Variants in SORCS2 observed in about 807,000 individuals in gnomAD.
SORCS2 encodes the protein VPS10 domain-containing receptor SorCS2.
Under a neutral mutation model 141.6 loss-of-function variants are expected in SORCS2, and 100 were observed. The ratio of observed to expected loss-of-function variants is 0.71; its 90% confidence interval spans 0.60 to 0.83. SORCS2 has a LOEUF of 0.83. Ranked by LOEUF, SORCS2 falls within the 40% of genes least tolerant of loss-of-function variation. The pLI is 0.00. For missense variants in SORCS2, 1,646 were observed against 1,560.2 expected, an observed-to-expected ratio of 1.05 and a Z score of -0.93; for synonymous variants, 789 against 676.9, an observed-to-expected ratio of 1.17 and a Z score of -2.57.
chr4:7,452,838 T>C (rs1161085749), intron 2 of SORCS2, among the ~76,000 whole-genome samples: 9 of 140,608 alleles, frequency 6.4e-5, no homozygotes, highest in Middle Eastern at 4.1e-3. Flanking sequence ...TGGGGTCAGG[T>C]GCTGTGTTGG....
intron 14 of SORCS2, among the ~76,000 whole-genome samples, chr4:7,709,689 C>T (rs1268694054): frequency 2.0e-5 from 3 of 152,196 alleles, no homozygotes; most frequent in African/African-American, 7.2e-5. Flanking sequence ...GCTCAGCTTT[C>T]GGCCACTCTG....
intron 3 of SORCS2, among the ~76,000 whole-genome samples, chr4:7,573,821 C>A (rs567680817): frequency 1.3e-5 from 2 of 152,064 alleles, no homozygotes; most frequent in South Asian, 2.1e-4. Flanking sequence ...CCTGTGGCTT[C>A]AGTCCTTAAC....
intron 2 of SORCS2, among the ~76,000 whole-genome samples, chr4:7,444,691 G>A (rs968438551): frequency 2.6e-4 from 39 of 152,194 alleles, no homozygotes; most frequent in African/African-American, 8.7e-4. Flanking sequence ...GCTTCTAAAA[G>A]GATGGATCTG....
intron 3 of SORCS2, among the ~76,000 whole-genome samples, chr4:7,576,944 A>T (rs371228141): frequency 6.6e-6 from 1 of 152,202 alleles, no homozygotes; most frequent in African/African-American, 2.4e-5. Flanking sequence ...CTGAGATTGC[A>T]TGGGAAATGA....
chr4:7,398,636 A>G (rs1314061513), intron 2 of SORCS2, among the ~76,000 whole-genome samples: 2 of 152,208 alleles, frequency 1.3e-5, no homozygotes, highest in Admixed American at 6.5e-5. Flanking sequence ...TGATGCTAAC[A>G]TATTTATATA....
chr4:7,686,942 G>A (rs754973564), intron 10 of SORCS2, among the ~76,000 whole-genome samples: 4 of 152,176 alleles, frequency 2.6e-5, no homozygotes, highest in Non-Finnish European at 5.9e-5. Flanking sequence ...GGAACCCTGA[G>A]GAGGGTTCCA....
intron 10 of SORCS2, among the ~76,000 whole-genome samples, chr4:7,683,371 TCAGCTGGGTGGCTC>T (rs1429272620): frequency 2.1e-5 from 3 of 146,110 alleles, no homozygotes; most frequent in East Asian, 2.0e-4. Flanking sequence ...TTGTCTGGGC[TCAGCTGGGTGGCTC>T]TGCTGATCTT....
At chr4:7,366,249 C>G (rs984087741) in intron 1 of SORCS2, among the ~76,000 whole-genome samples, 1 of 151,200 alleles carries the variant, frequency 6.6e-6, no homozygotes, top group South Asian at 2.1e-4. Flanking sequence ...CCTTCCCTTC[C>G]TCTCTCTCTC....
chr4:7,314,829 T>G (rs10005738), intron 1 of SORCS2, among the ~76,000 whole-genome samples: 38,864 of 116,520 alleles, frequency 0.33, 5,711 homozygotes, highest in East Asian at 0.5. Context: ...TTTTTTTTTT[T>G]ATTGTTGTTG....
chr4:7,691,957 G>A (rs2108989686), intron 11 of SORCS2, among the ~76,000 whole-genome samples: 1 of 151,538 alleles, frequency 6.6e-6, no homozygotes. Flanking sequence ...CTCACTCTGT[G>A]GGGGTGTCAG....
At chr4:7,632,320 G>C (rs1251827174) in intron 3 of SORCS2, among the ~76,000 whole-genome samples, 1 of 152,118 alleles carries the variant, frequency 6.6e-6, no homozygotes, top group Non-Finnish European at 1.5e-5. Flanking sequence ...CCAGAACCCA[G>C]TGCAGGTACC....
Position 7,328,890 on chromosome 4 carries a change from G to A in SORCS2, c.481-67398G>A, listed in dbSNP as rs144325823. ...TCCATGTCCAGCAGCCCCACTTGCCGGCACCCTTGGCAGTTAGCTCAGGGG... is the reference window on the plus strand; with the variant it reads ...TCCATGTCCAGCAGCCCCACTTGCCAGCACCCTTGGCAGTTAGCTCAGGGG... On this transcript the variant is annotated intron_variant, in intron 1 of 26. Coordinates refer to ENST00000507866, the MANE Select transcript of SORCS2 (RefSeq NM_020777.3). Among the ~76,000 whole-genome samples the A allele has an allele frequency of 9.9e-4, 150 of 152,274 alleles. 1 individual carries two copies. In the East Asian group the frequency reaches 0.026, roughly 26 times the overall value.
chr4:7,526,510 C>A (rs964219256), intron 2 of SORCS2, among the ~76,000 whole-genome samples: 1 of 151,772 alleles, frequency 6.6e-6, no homozygotes, highest in African/African-American at 2.4e-5. Flanking sequence ...AGGAGGCGGG[C>A]GGGGTGAGGG....
intron 1 of SORCS2, among the ~76,000 whole-genome samples, chr4:7,247,677 G>A (rs1474193508): frequency 6.6e-6 from 1 of 152,220 alleles, no homozygotes; most frequent in Non-Finnish European, 1.5e-5. Flanking sequence ...GGCTACGAGA[G>A]TGCTGGAGGT....
At chr4:7,227,399 C>T (rs1729053269) in intron 1 of SORCS2, among the ~76,000 whole-genome samples, 1 of 152,202 alleles carries the variant, frequency 6.6e-6, no homozygotes, top group Non-Finnish European at 1.5e-5. Context: ...GCTTTCTTCT[C>T]GACTTCTCCA....
intron 2 of SORCS2, among the ~76,000 whole-genome samples, chr4:7,426,475 A>G (rs1310139566): frequency 6.6e-6 from 1 of 152,166 alleles, no homozygotes; most frequent in Non-Finnish European, 1.5e-5. Flanking sequence ...TGTAATCCCA[A>G]TACTTCGGGA....
At chr4:7,238,788 C>T (rs1263979746) in intron 1 of SORCS2, among the ~76,000 whole-genome samples, 1 of 152,202 alleles carries the variant, frequency 6.6e-6, no homozygotes, top group African/African-American at 2.4e-5. Context: ...CTGTGGCTGA[C>T]CCCTGTCCGC....
intron 1 of SORCS2, among the ~76,000 whole-genome samples, chr4:7,232,948 G>A (rs186606183): frequency 2.0e-5 from 3 of 152,332 alleles, no homozygotes; most frequent in East Asian, 1.9e-4. Context: ...CTGCTGCACT[G>A]TCAGAGACAA....
At chr4:7,693,772 A>G (rs1456913670) in intron 11 of SORCS2, among the ~76,000 whole-genome samples, 2 of 152,256 alleles carry the variant, frequency 1.3e-5, no homozygotes, top group Non-Finnish European at 2.9e-5. Context: ...TTGCAGGCCC[A>G]GCCCTCCCTA....
Sources: gnomAD v4.1 joint callset for allele counts (sites outside exome capture counted in the v4.1 genomes callset) on GRCh38, gnomAD v4.1.1 for gene constraint, MANE v1.5 for transcripts, NCBI Gene and HGNC (gene_info 2026-07-23, HGNC 2026-07-21) for gene names.